Variants in TOM1 observed in about 807,000 individuals in gnomAD.
TOM1 encodes the protein target of Myb protein 1.
A neutral mutation model predicts 61.3 loss-of-function variants in TOM1; 38 were observed. That is an observed-to-expected ratio of 0.62 (90% CI 0.48 to 0.81). The LOEUF (loss-of-function observed/expected upper bound fraction) is 0.81. Among genes scored for constraint, TOM1 ranks in the 40% least tolerant of loss-of-function variants. The pLI is 0.00. For synonymous variants in TOM1, 270 were observed against 268.8 expected (o/e 1.00, Z -0.04); for missense variants, 591 against 659.6 (o/e 0.90, Z 1.14).
Position 35,347,157 on chromosome 22 carries a change from C to T in TOM1, c.1427C>T (p.Ala476Val), listed in dbSNP as rs368486186. 19 of 1,613,332 alleles carry T rather than the reference C, an allele frequency of 1.2e-5. No homozygotes were observed. The highest frequency in any genetic ancestry group is 1.7e-4 in the Middle Eastern group (1 of 6,050). The stretch of plus-strand genomic sequence containing the variant: ...CCCCCGGGTCCCCCATCTGGCCCAG[C>T]GCCCCGGAAGAAGACCCAGGAGAAA... ...EGPPGPPSGP[A>V]PRKKTQEKDD... Residue 476 changes from alanine to valine, a missense_variant, in exon 15 of 15, where the codon GCG becomes GTG. Ala to Val is a moderately conservative substitution (Grantham distance 64). Transcript: ENST00000449058.
intron 1 of TOM1, among the ~76,000 whole-genome samples, chr22:35,311,842 A>T (rs1313269844): frequency 1.3e-5 from 2 of 152,234 alleles, no homozygotes; most frequent in Non-Finnish European, 2.9e-5. Context: ...TCTTCACTGA[A>T]TGATGGCTGT....
rs758225957 is a variant in TOM1 at position 35,345,741 on chromosome 22, C to T, written c.1241C>T (p.Ala414Val). 8 of 1,614,056 alleles carry T rather than the reference C, an allele frequency of 5.0e-6. No individual in the cohort carries two copies. Among genetic ancestry groups the T allele is most frequent in the Non-Finnish European group, 4.2e-6 (5 of 1,180,032 alleles). The change falls in exon 13 of 15, where the codon GCC (alanine) becomes GTC (valine). Residue 414 changes from alanine (A) to valine (V), a missense_variant. Transcript: ENST00000449058. ...QSTGAIPVTQ[A>V]CLMEDIEQWL... ...TCCTTCCAGATCCCAGTCACCCAGG[C>T]CTGCCTCATGGAGGACATCGAGCAG...
intron 12 of TOM1, chr22:35,344,886 G>C (rs1930374430): frequency 1.3e-5 from 2 of 152,340 alleles, no homozygotes; most frequent in Admixed American, 1.3e-4. Context: ...AAGTACTGCT[G>C]CTAGCCTCAC....
chr22:35,313,308 C>T (rs543104514), intron 1 of TOM1, among the ~76,000 whole-genome samples: 1 of 151,514 alleles, frequency 6.6e-6, no homozygotes, highest in Non-Finnish European at 1.5e-5. Flanking sequence ...GATCGTGCCA[C>T]TGTACTCCAA....
intron 12 of TOM1, among the ~76,000 whole-genome samples, chr22:35,343,820 A>C (rs993774939): frequency 3.4e-5 from 5 of 145,188 alleles, no homozygotes; most frequent in African/African-American, 1.3e-4. Context: ...ACACCTACAC[A>C]TACACACCTA....
intron 12 of TOM1, among the ~76,000 whole-genome samples, chr22:35,343,720 ACAC>A (rs967522430): frequency 7.2e-6 from 1 of 138,498 alleles, no homozygotes; most frequent in Non-Finnish European, 1.5e-5. Context: ...CACACCACAC[ACAC>A]ATCTACACCC....
chr22:35,300,078 G>C, intron 1 of TOM1, 98 bp downstream of exon 1: 1 of 1,382,758 alleles, frequency 7.2e-7, no homozygotes. Context: ...GAGGCAGGGA[G>C]GGCAAGGAGG....
intron 12 of TOM1, among the ~76,000 whole-genome samples, chr22:35,342,046 C>T (rs1929918675): frequency 2.0e-5 from 3 of 151,950 alleles, no homozygotes; most frequent in Non-Finnish European, 4.4e-5. Context: ...GAGGCTGAAG[C>T]GGGAGGATCA....
chr22:35,324,828 G>A (rs1928171483), intron 6 of TOM1, among the ~76,000 whole-genome samples: 1 of 152,242 alleles, frequency 6.6e-6, no homozygotes, highest in Admixed American at 6.5e-5. Context: ...GGGATTACAG[G>A]CATGAGCCAC....
At chr22:35,303,332 T>C (rs986982809) in intron 1 of TOM1, among the ~76,000 whole-genome samples, 2 of 151,936 alleles carry the variant, frequency 1.3e-5, no homozygotes, top group Admixed American at 1.3e-4. Context: ...CCCTATGACT[T>C]TGGGCTCTGA....
intron 1 of TOM1, among the ~76,000 whole-genome samples, chr22:35,312,213 C>T (rs778128686): frequency 6.0e-5 from 9 of 150,336 alleles, no homozygotes; most frequent in Non-Finnish European, 1.3e-4. Context: ...CACTGTACTC[C>T]AGCCTGGGCG....
Position 35,323,024 on chromosome 22 carries a change from C to G in TOM1, c.217-4C>G. 6.2e-7 allele frequency: 1 copy of G among 1,613,964 alleles called. No homozygotes were observed. The highest frequency in any genetic ancestry group is 1.7e-4 in the Middle Eastern group (1 of 6,060). ...GTGCTCGACGGCACCTCTCGGCCCT[C>G]CAGGTCTTAGAAACCTGTGTCAAGA... On this transcript the variant is annotated splice_polypyrimidine_tract_variant and splice_region_variant and intron_variant, in intron 3 of 14. Transcript: ENST00000449058. The surrounding 1 kb of genome is among the most constrained non-coding windows in gnomAD (Gnocchi z 4.2).
At chr22:35,342,305 G>A (rs949454826) in intron 12 of TOM1, among the ~76,000 whole-genome samples, 1 of 152,106 alleles carries the variant, frequency 6.6e-6, no homozygotes, top group African/African-American at 2.4e-5. Flanking sequence ...CCTGTGCCAT[G>A]TGCCAGGCCC....
chr22:35,323,479 C>G lies in TOM1; in HGVS notation c.367-17C>G. 1 of 1,613,548 alleles carries G rather than the reference C, an allele frequency of 6.2e-7. No individual in the cohort carries two copies. Among genetic ancestry groups the G allele is most frequent in the Non-Finnish European group, 8.5e-7 (1 of 1,179,760 alleles). Reference sequence around the variant, plus strand: ...GTGAGCTGTGGTTACCGGCTGTGTCCCCTTGTCCCCTCTCAGTCCTGGGCT... The same window carrying G: ...GTGAGCTGTGGTTACCGGCTGTGTCGCCTTGTCCCCTCTCAGTCCTGGGCT... On this transcript the variant is annotated splice_polypyrimidine_tract_variant and intron_variant, in intron 4 of 14. Transcript: ENST00000449058. The surrounding 1 kb of genome is among the most constrained non-coding windows in gnomAD (Gnocchi z 4.2).
rs1176252730 is a variant in TOM1 at position 35,323,124 on chromosome 22, C to T, written c.313C>T (p.Pro105Ser). 2 of 1,614,002 alleles carry T rather than the reference C, an allele frequency of 1.2e-6. No individual in the cohort carries two copies. The highest frequency in any genetic ancestry group is 1.7e-6 in the Non-Finnish European group (2 of 1,180,046). The change falls in exon 4 of 15, where the codon CCC (proline) becomes TCC (serine). Residue 105 changes from proline (P) to serine (S), a missense_variant. Physicochemically the swap from Pro to Ser is moderately conservative, Grantham distance 74 (BLOSUM62 -1). Transcript: ENST00000449058. This position sits in a 1 kb window ranked among gnomAD's most constrained non-coding sequence, Gnocchi z 4.2. ...VESVLVRTIL[P>S]KNNPPTIVHD... is the part of the protein sequence containing the mutation. ...GAGTGTGCTGGTGAGGACCATCCTGCCCAAGAACAACCCACCCACCATCGT... is the reference window on the plus strand; with the variant it reads ...GAGTGTGCTGGTGAGGACCATCCTGTCCAAGAACAACCCACCCACCATCGT...
intron 1 of TOM1, among the ~76,000 whole-genome samples, chr22:35,315,536 T>G (rs1008278976): frequency 2.0e-5 from 3 of 152,194 alleles, no homozygotes; most frequent in African/African-American, 4.8e-5. Flanking sequence ...TCAGTAAACC[T>G]TCACAGGATG....
chr22:35,330,365 C>G lies in TOM1; in HGVS notation c.784C>G (p.Arg262Gly). The change falls in exon 8 of 15, where the codon CGA becomes GGA. Residue 262 changes from arginine to glycine, a missense_variant. Coordinates refer to ENST00000449058, the MANE Select transcript of TOM1 (RefSeq NM_005488.3). ...ELLQELNRTC[R>G]AMQQRVLELI... ...CTGGCAGGAGCTCAACCGCACGTGC[C>G]GAGCCATGCAGCAGCGGGTCCTGGA... 6.2e-7 allele frequency: 1 copy of G among 1,612,556 alleles called. No homozygotes were observed. The highest frequency in any genetic ancestry group is 8.5e-7 in the Non-Finnish European group (1 of 1,179,452).
rs1286953288 is a variant in TOM1, at chr22:35,321,709, C to T, written c.138-250C>T. 3 of 611,694 alleles carry T rather than the reference C, an allele frequency of 4.9e-6. No individual in the cohort carries two copies. In the East Asian group the frequency reaches 1.1e-4, roughly 22 times the overall value. The allele number at this position is 611,694 out of a possible 1,614,324, so 37.9% of individuals were successfully genotyped here. The stretch of plus-strand genomic sequence containing the variant: ...CCACCGCGCCCGGCCAGGTTCTGCA[C>T]TTTTAACAAAACGCTCTCATCTTTT... On this transcript the variant is annotated intron_variant, in intron 2 of 14. Transcript: ENST00000449058.
At chr22:35,339,128 C>T (rs1275351774) in intron 12 of TOM1, among the ~76,000 whole-genome samples, 1 of 151,868 alleles carries the variant, frequency 6.6e-6, no homozygotes, top group Non-Finnish European at 1.5e-5. Context: ...GTCAGGAGTT[C>T]AAGACCAGCC....
Sources: gnomAD v4.1 joint callset for allele counts (sites outside exome capture counted in the v4.1 genomes callset) on GRCh38, gnomAD v4.1.1 for gene constraint, Gnocchi (gnomAD v3.1) non-coding constraint, MANE v1.5 for transcripts, NCBI Gene and HGNC (gene_info 2026-07-23, HGNC 2026-07-21) for gene names.